KRT86: variants seen among roughly 807,000 people sequenced by gnomAD.
The protein encoded by KRT86 is keratin, type II cuticular Hb6.
Under a neutral mutation model 41.2 loss-of-function variants are expected in KRT86, and 30 were observed. That is an observed-to-expected ratio of 0.73 (90% CI 0.54 to 0.99). KRT86 has a LOEUF of 0.99. Ranked by LOEUF, KRT86 falls within the 50% of genes least tolerant of loss-of-function variation. KRT86 has a pLI of 0.00. For missense variants in KRT86, 561 were observed against 571.4 expected (o/e 0.98, Z 0.19); for synonymous variants, 238 against 238.1 (o/e 1.00, Z 0.00).
chr12:52,291,924 G>A (rs894192640), intron 2 of KRT86, among the ~76,000 whole-genome samples: 1 of 152,002 alleles, frequency 6.6e-6, no homozygotes, highest in Non-Finnish European at 1.5e-5. Context: ...TGTGGGGAGA[G>A]GGGTTTCAGG....
chr12:52,297,320 G>A (rs1938273421), intron 2 of KRT86, among the ~76,000 whole-genome samples: 1 of 152,136 alleles, frequency 6.6e-6, no homozygotes, highest in African/African-American at 2.4e-5. Context: ...TCATGAATTT[G>A]GATATGCTCT....
chr12:52,283,427 G>A, intron 2 of KRT86, among the ~76,000 whole-genome samples: 1 of 127,764 alleles, frequency 7.8e-6, no homozygotes, highest in Non-Finnish European at 1.7e-5. Flanking sequence ...GAATAATAGA[G>A]CTTTAAATTG....
chr12:52,283,245 T>C (rs1191686365), intron 2 of KRT86, among the ~76,000 whole-genome samples: 1 of 7,390 alleles, frequency 1.4e-4, no homozygotes, highest in Admixed American at 2.0e-3. Context: ...AATACAAAAA[T>C]TAGCCCGGTG....
At chr12:52,296,631 C>G (rs1938256906) in intron 2 of KRT86, among the ~76,000 whole-genome samples, 1 of 150,306 alleles carries the variant, frequency 6.7e-6, no homozygotes, top group Non-Finnish European at 1.5e-5. Flanking sequence ...GTCCTGGGCT[C>G]TCTTGGCTGA....
In KRT86 at chr12:52,308,854, C is replaced by CAG; in HGVS notation, c.*269_*270insAG. The CAG allele has an allele frequency of 2.1e-6, 1 of 475,550 alleles. No individual in the cohort carries two copies. The highest frequency in any genetic ancestry group is 3.7e-6 in the Non-Finnish European group (1 of 272,526). 29.5% of individuals were successfully genotyped at this position (475,550 alleles called of 1,614,324 possible). A position where few individuals can be genotyped will look rare whatever the true frequency, so the allele number is the denominator to read the frequency against. On this transcript the variant is annotated 3_prime_UTR_variant, in exon 11 of 11. Transcript: ENST00000423955. Reference sequence around the variant, plus strand: ...TTCATCTTTTTCTTCCGCCTGCCTTCTGTTTTTTTTGCTGTATACATTGGT... The same window carrying CAG: ...TTCATCTTTTTCTTCCGCCTGCCTTCAGTGTTTTTTTTGCTGTATACATTGGT...
chr12:52,301,282 G>T (rs1187771383), intron 2 of KRT86, among the ~76,000 whole-genome samples: 1 of 152,120 alleles, frequency 6.6e-6, no homozygotes, highest in East Asian at 1.9e-4. Flanking sequence ...ATGTTGATAG[G>T]TATAGATAAG....
chr12:52,300,473 G>A (rs1042652812), intron 2 of KRT86, among the ~76,000 whole-genome samples: 1 of 152,180 alleles, frequency 6.6e-6, no homozygotes, highest in Non-Finnish European at 1.5e-5. Context: ...ACACATTTCT[G>A]TAACTCTAAG....
intron 2 of KRT86, among the ~76,000 whole-genome samples, chr12:52,283,636 G>T (rs929467791): frequency 6.6e-6 from 1 of 151,692 alleles, no homozygotes; most frequent in Admixed American, 6.6e-5. Context: ...ATACCACCAC[G>T]CCTGGCTAAT....
chr12:52,287,944 C>G (rs747851833), intron 2 of KRT86: 1 of 1,613,996 alleles, frequency 6.2e-7, no homozygotes, highest in Non-Finnish European at 8.5e-7. Context: ...ACATCCCTCC[C>G]ACTGACACGT....
chr12:52,283,508 C>T (rs200548195), intron 2 of KRT86, among the ~76,000 whole-genome samples: 11 of 52,820 alleles, frequency 2.1e-4, no homozygotes, highest in African/African-American at 2.9e-4. Context: ...GACAGAGTCT[C>T]GCTCTTGTTG....
chr12:52,308,072 A>C (rs1938556770), intron 9 of KRT86, 161 bp from the exon 10 acceptor site: 5 of 837,952 alleles, frequency 6.0e-6, no homozygotes, highest in Non-Finnish European at 9.1e-6. Flanking sequence ...CCAGACCCTC[A>C]CGGTGACCCG....
In KRT86 at chr12:52,305,731, C is replaced by G; in HGVS notation, c.969C>G (p.Asn323Lys). 1 of 1,614,062 alleles carries G rather than the reference C, an allele frequency of 6.2e-7. No homozygotes were observed. Among genetic ancestry groups the G allele is most frequent in the Non-Finnish European group, 8.5e-7 (1 of 1,179,918 alleles). The change falls in exon 8 of 11, where the codon AAC becomes AAG. Residue 323 changes from asparagine to lysine, a missense_variant. Physicochemically the swap from Asn to Lys is moderately conservative, Grantham distance 94. This residue lies in a region of KRT86 where 397 missense variants were observed against 375.9 expected (regional missense o/e 1.06). Coordinates refer to ENST00000423955, the MANE Select transcript of KRT86 (RefSeq NM_001320198.2). Reference sequence around the variant, plus strand: ...TGCGCCGCACCAAGGAGGAGATCAACGAGCTGAACCGCATGATCCAGAGGC... The same window carrying G: ...TGCGCCGCACCAAGGAGGAGATCAAGGAGCTGAACCGCATGATCCAGAGGC... ...ETLRRTKEEI[N>K]ELNRMIQRLT...
chr12:52,283,463 T>C (rs1366943674), intron 2 of KRT86, among the ~76,000 whole-genome samples: 1 of 131,634 alleles, frequency 7.6e-6, no homozygotes, highest in Non-Finnish European at 1.6e-5. Context: ...AGCCACCTAA[T>C]CCAAGCATTT....
chr12:52,284,154 G>C (rs1289692068), intron 2 of KRT86, among the ~76,000 whole-genome samples: 4 of 152,140 alleles, frequency 2.6e-5, no homozygotes, highest in Non-Finnish European at 5.9e-5. Flanking sequence ...TCTCAGGTCT[G>C]GACTCCTGAC....
At position 52,301,986 on chromosome 12, in the gene KRT86, C is replaced by A. The variant is rs778190510; in HGVS notation, c.70C>A (p.Arg24Ser). The change falls in exon 3 of 11, where the codon CGC (arginine) becomes AGC (serine). Residue 24 changes from arginine to serine, a missense_variant. This residue lies in a region of KRT86 where 164 missense variants were observed against 172.5 expected (regional missense o/e 0.95). Transcript: ENST00000423955. ...CISACGPRPG[R>S]CCITAAPYRG... is the part of the protein sequence containing the mutation. ...CTCGGCCTGCGGGCCCCGGCCCGGCCGCTGCTGCATCACCGCCGCCCCCTA... is the reference window on the plus strand; with the variant it reads ...CTCGGCCTGCGGGCCCCGGCCCGGCAGCTGCTGCATCACCGCCGCCCCCTA... 4 of 1,613,238 alleles carry A rather than the reference C, an allele frequency of 2.5e-6. No individual in the cohort carries two copies. In the South Asian group the frequency reaches 4.4e-5, roughly 18 times the overall value.
At chr12:52,308,170 C>T (rs978856740) in intron 9 of KRT86, 63 bp from the exon 10 acceptor site, 146 of 1,610,890 alleles carry the variant, frequency 9.1e-5, no homozygotes, top group Non-Finnish European at 1.2e-4. Flanking sequence ...TCCCCCTCCA[C>T]TTCAGTCACG....
At chr12:52,301,531 C>T (rs1288964866) in intron 2 of KRT86, among the ~76,000 whole-genome samples, 2 of 152,112 alleles carry the variant, frequency 1.3e-5, no homozygotes, top group African/African-American at 2.4e-5. Flanking sequence ...GAGCAGCAGC[C>T]CCGCCCCTTC....
At chr12:52,280,568 C>G (rs1486279245) in intron 2 of KRT86, among the ~76,000 whole-genome samples, 2 of 152,150 alleles carry the variant, frequency 1.3e-5, no homozygotes, top group Non-Finnish European at 2.9e-5. Flanking sequence ...GGACAGGTAT[C>G]CAAAAGGCCC....
At chr12:52,287,534 T>A in intron 2 of KRT86, 2 of 1,612,670 alleles carry the variant, frequency 1.2e-6, no homozygotes, top group South Asian at 1.1e-5. Context: ...AGGGCACACA[T>A]AGGCTGTGTG....
Sources: allele counts gnomAD v4.1 joint callset (sites outside exome capture counted in the v4.1 genomes callset), GRCh38; gene constraint gnomAD v4.1.1; regional missense constraint gnomAD v4.1.1; transcripts MANE v1.5; gene names NCBI Gene and HGNC (gene_info 2026-07-23, HGNC 2026-07-21).